The following FREM1 variants were observed in gnomAD, a reference collection of about 807,000 sequenced individuals.
FREM1 encodes the protein FRAS1-related extracellular matrix protein 1.
A neutral mutation model predicts 210.1 loss-of-function variants in FREM1; 220 were observed. That is an observed-to-expected ratio of 1.05 (90% CI 0.94 to 1.17). The LOEUF (loss-of-function observed/expected upper bound fraction) is 1.17. Among genes scored for constraint, FREM1 ranks in the 50% most tolerant of loss-of-function variants. FREM1 has a pLI of 0.00. For missense variants in FREM1, 3,454 were observed against 2,675.5 expected, an observed-to-expected ratio of 1.29 and a Z score of -6.42; for synonymous variants, 1,189 against 980.2, an observed-to-expected ratio of 1.21 and a Z score of -3.98.
intron 21 of FREM1, 46 bp downstream of exon 21, chr9:14,797,452 T>C (rs1852640892): frequency 6.6e-7 from 1 of 1,511,498 alleles, no homozygotes; most frequent in Non-Finnish European, 9.0e-7. Context: ...GTAGATTTCA[T>C]AGAATTGTAT....
chr9:14,843,281 C>T (rs545888307), intron 8 of FREM1, among the ~76,000 whole-genome samples: 1 of 152,262 alleles, frequency 6.6e-6, no homozygotes, highest in African/African-American at 2.4e-5. Flanking sequence ...CTCCACCTTC[C>T]CTACCCCACT....
At chr9:14,821,178 G>C (rs1208586043) in intron 13 of FREM1, among the ~76,000 whole-genome samples, 1 of 151,986 alleles carries the variant, frequency 6.6e-6, no homozygotes, top group East Asian at 1.9e-4. Flanking sequence ...TTCTACATAA[G>C]GGATCAACTC....
intron 5 of FREM1, among the ~76,000 whole-genome samples, chr9:14,855,863 G>C (rs1828637489): frequency 1.3e-5 from 2 of 151,910 alleles, no homozygotes; most frequent in Admixed American, 1.3e-4. Flanking sequence ...TGATCAAAAA[G>C]AAAAATGGCT....
At position 14,852,561 on chromosome 9, in the gene FREM1, T is replaced by C. The variant is rs145231413; in HGVS notation, c.829-954A>G. The stretch of plus-strand genomic sequence containing the variant: ...AAATAATAAAATTAGACAGGCATGG[T>C]GGTGCACACCTATAGCCAATTACTC... On this transcript the variant is annotated intron_variant, in intron 5 of 36. Coordinates refer to ENST00000380880, the MANE Select transcript of FREM1 (RefSeq NM_001379081.2). 2.2e-3 allele frequency among the ~76,000 whole-genome samples: 330 copies of C among 152,272 alleles called. 3 individuals are homozygous for C. The highest frequency in any genetic ancestry group is 0.015 in the East Asian group (78 of 5,182).
chr9:14,842,978 TG>T lies in FREM1; in HGVS notation c.1394-319del, dbSNP rs1825950857. The stretch of plus-strand genomic sequence containing the variant: ...CTGGGCTAAGGAATGCCCAGACAAC[TG>T]GTAAAATATTATTGCTGGGTGGTTC... On this transcript the variant is annotated intron_variant, in intron 8 of 36. Coordinates refer to ENST00000380880, the MANE Select transcript of FREM1 (RefSeq NM_001379081.2). 2.0e-5 allele frequency among the ~76,000 whole-genome samples: 3 copies of T among 152,226 alleles called. No individual in the cohort carries two copies. The South Asian group carries it at 6.2e-4, about 32-fold the overall frequency.
At chr9:14,864,701 T>C (rs114338050) in intron 2 of FREM1, among the ~76,000 whole-genome samples, 1 of 152,244 alleles carries the variant, frequency 6.6e-6, no homozygotes, top group Non-Finnish European at 1.5e-5. Flanking sequence ...AATCTGACTC[T>C]GGTAGAGTTC....
At chr9:14,907,379 G>A (rs374617783) in intron 1 of FREM1, among the ~76,000 whole-genome samples, 19 of 151,934 alleles carry the variant, frequency 1.3e-4, no homozygotes, top group African/African-American at 3.9e-4. Context: ...TTTTTGTTTC[G>A]CTCGGCCCCT....
intron 3 of FREM1, among the ~76,000 whole-genome samples, chr9:14,862,174 C>T (rs1181908860): frequency 6.6e-6 from 1 of 152,188 alleles, no homozygotes; most frequent in Non-Finnish European, 1.5e-5. Flanking sequence ...ATTACCTGCT[C>T]ATCTTTTGCC....
chr9:14,828,142 A>G (rs144382931), intron 10 of FREM1, among the ~76,000 whole-genome samples: 253 of 152,266 alleles, frequency 1.7e-3, no homozygotes, highest in Middle Eastern at 0.01. Flanking sequence ...CCATCCAGGA[A>G]AGCCTCAGGC....
intron 9 of FREM1, among the ~76,000 whole-genome samples, chr9:14,842,094 G>C (rs1212527590): frequency 1.3e-5 from 2 of 152,110 alleles, no homozygotes; most frequent in Non-Finnish European, 2.9e-5. Flanking sequence ...CTCAGCTCTG[G>C]AAATCTGTAG....
chr9:14,793,549 C>A (rs927606047), intron 21 of FREM1, among the ~76,000 whole-genome samples: 1 of 152,186 alleles, frequency 6.6e-6, no homozygotes, highest in Non-Finnish European at 1.5e-5. Context: ...TCTATAGCTC[C>A]TTTACTGTGC....
intron 1 of FREM1, among the ~76,000 whole-genome samples, chr9:14,878,658 T>C (rs1286841771): frequency 1.3e-5 from 2 of 152,216 alleles, no homozygotes; most frequent in African/African-American, 4.8e-5. Flanking sequence ...ACCAACCTAA[T>C]ATTAGTCACT....
chr9:14,756,113 T>G (rs1563842811), intron 29 of FREM1, among the ~76,000 whole-genome samples: 10 of 152,226 alleles, frequency 6.6e-5, no homozygotes, highest in Admixed American at 5.9e-4. Context: ...TGGATTGTCT[T>G]GGATGTTTGC....
At chr9:14,870,443 C>T (rs1832410085) in intron 1 of FREM1, among the ~76,000 whole-genome samples, 1 of 152,108 alleles carries the variant, frequency 6.6e-6, no homozygotes, top group African/African-American at 2.4e-5. Context: ...CTTATTTGGG[C>T]AAGAATGCAC....
At chr9:14,783,308 G>A (rs1191380552) in intron 24 of FREM1, among the ~76,000 whole-genome samples, 1 of 152,142 alleles carries the variant, frequency 6.6e-6, no homozygotes, top group Non-Finnish European at 1.5e-5. Context: ...AGTGATATTC[G>A]AACATGGGTG....
intron 24 of FREM1, among the ~76,000 whole-genome samples, chr9:14,784,002 GC>G (rs927396361): frequency 6.6e-6 from 1 of 152,132 alleles, no homozygotes; most frequent in African/African-American, 2.4e-5. Context: ...GGGAGCCTCA[GC>G]TTTTCACATT....
At chr9:14,771,134 T>G (rs1046844878) in intron 25 of FREM1, among the ~76,000 whole-genome samples, 1 of 152,150 alleles carries the variant, frequency 6.6e-6, no homozygotes, top group African/African-American at 2.4e-5. Flanking sequence ...GCACAGTGCC[T>G]GAACCATAAT....
At chr9:14,874,222 T>G (rs1309755775) in intron 1 of FREM1, among the ~76,000 whole-genome samples, 4 of 152,244 alleles carry the variant, frequency 2.6e-5, no homozygotes, top group Middle Eastern at 6.8e-3. Context: ...CTGGGTACCC[T>G]TGTTAACTTT....
rs1449429510 is a variant in FREM1, at chr9:14,888,106, C to T, written c.-267-18862G>A. ...AGCCACCACGTCTGGCCAAAACCAA[C>T]ATTTATACGTGTTTACTATATAGTA... On this transcript the variant is annotated intron_variant, in intron 1 of 36. Transcript: ENST00000380880. Among the ~76,000 whole-genome samples the T allele has an allele frequency of 2.6e-5, 4 of 152,286 alleles. No homozygotes were observed. In the East Asian group the frequency reaches 7.7e-4, roughly 29 times the overall value.
Sources: allele counts gnomAD v4.1 joint callset (sites outside exome capture counted in the v4.1 genomes callset), GRCh38; gene constraint gnomAD v4.1.1; transcripts MANE v1.5; gene names NCBI Gene and HGNC (gene_info 2026-07-23, HGNC 2026-07-21).